ANGPTL1: variants seen among roughly 807,000 people sequenced by gnomAD.
The protein encoded by ANGPTL1 is angiopoietin-related protein 1.
Under a neutral mutation model 46.7 loss-of-function variants are expected in ANGPTL1, and 36 were observed. The ratio of observed to expected loss-of-function variants is 0.77; its 90% CI spans 0.59 to 1.02. The LOEUF (loss-of-function observed/expected upper bound fraction) is 1.02. ANGPTL1 is among the 50% of genes least tolerant of loss of function. ANGPTL1 has a pLI of 0.00. For missense variants in ANGPTL1, 571 were observed against 594.7 expected (o/e 0.96, Z 0.41); for synonymous variants, 221 against 204.3 (o/e 1.08, Z -0.69).
chr1:178,852,754 G>A lies in ANGPTL1; in HGVS notation c.1217C>T (p.Ala406Val), dbSNP rs763830126. 9.3e-6 allele frequency: 15 copies of A among 1,613,890 alleles called. No individual in the cohort carries two copies. The East Asian group carries it at 2.2e-4, about 24-fold the overall frequency. Residue 406 changes from alanine to valine, a missense_variant, in exon 5 of 6, where the codon GCA (alanine) becomes GTA (valine). Coordinates refer to ENST00000234816, the MANE Select transcript of ANGPTL1 (RefSeq NM_004673.4). ...RLRLGTYQGN[A>V]GDSMMWHNGK... ...ATTATGCCACATCATAGAATCCCCT[G>A]CATTTCCCTGGTAAGTTCCCAGGCG...
intron 3 of ANGPTL1, 50 bp downstream of exon 3, chr1:178,864,904 T>C (rs1658282715): frequency 1.6e-6 from 2 of 1,268,196 alleles, no homozygotes. Context: ...TCATAAGGCA[T>C]AAAAATATAA....
intron 3 of ANGPTL1, among the ~76,000 whole-genome samples, chr1:178,856,200 GAGAT>G (rs1408132029): frequency 0.029 from 1,177 of 40,842 alleles, 8 homozygotes; most frequent in African/African-American, 0.051. Context: ...CAGAGAGAGA[GAGAT>G]ATATATATAT....
At chr1:178,869,402 G>T (rs969954338) in intron 1 of ANGPTL1, 179 bp from the exon 2 acceptor site, 1 of 152,106 alleles carries the variant, frequency 6.6e-6, no homozygotes, top group African/African-American at 2.4e-5. Context: ...GTTCTGGGAA[G>T]AGACTTGAGA....
chr1:178,860,882 C>T (rs1572417157), intron 3 of ANGPTL1, among the ~76,000 whole-genome samples: 1 of 152,100 alleles, frequency 6.6e-6, no homozygotes, highest in South Asian at 2.1e-4. Flanking sequence ...GTGCAAGCAC[C>T]TAAACAGCCT....
In ANGPTL1 at chr1:178,865,780, G is replaced by A; in HGVS notation, c.-4C>T. The A allele has an allele frequency of 6.4e-7, 1 of 1,562,350 alleles. No individual in the cohort carries two copies. Among genetic ancestry groups the A allele is most frequent in the Non-Finnish European group, 8.6e-7 (1 of 1,159,178 alleles). ...GGGTCCAGGTAAAAGTCTTCATTTT[G>A]AAATGAGGTTGTAAAATGATGTCTT... On this transcript the variant is annotated 5_prime_UTR_variant, in exon 3 of 6. Coordinates refer to ENST00000234816, the MANE Select transcript of ANGPTL1 (RefSeq NM_004673.4).
At chr1:178,863,559 AAAG>A (rs1357709576) in intron 3 of ANGPTL1, among the ~76,000 whole-genome samples, 12 of 152,372 alleles carry the variant, frequency 7.9e-5, no homozygotes, top group African/African-American at 2.9e-4. Context: ...AGATAAGCTG[AAAG>A]AAGGTGTTTC....
intron 3 of ANGPTL1, among the ~76,000 whole-genome samples, chr1:178,859,695 C>CTTTTT (rs1190050936): frequency 2.8e-5 from 3 of 108,286 alleles, no homozygotes; most frequent in Non-Finnish European, 3.7e-5. Context: ...ACACGAAGCA[C>CTTTTT]TTTTTTTTTT....
chr1:178,865,161 G>A lies in ANGPTL1; in HGVS notation c.616C>T (p.Arg206Ter), dbSNP rs748411414. ...GGGGGAGACACATGGGTGTCTTGTC[G>A]GGAAAATATCCTCAAGCACTGTTCT... ...LEEQCLRIFS[R>*]QDTHVSPPLV... The change falls in exon 3 of 6, where the codon CGA becomes TGA. Residue 206 changes from arginine (R) to a stop codon, truncating the protein, a stop_gained. Coordinates refer to ENST00000234816, the MANE Select transcript of ANGPTL1 (RefSeq NM_004673.4). LOFTEE classifies it high-confidence loss of function. The A allele has an allele frequency of 5.6e-6, 9 of 1,607,168 alleles. No homozygotes were observed. Among genetic ancestry groups the A allele is most frequent in the African/African-American group, 1.3e-5 (1 of 74,770 alleles).
At chr1:178,852,085 C>G (rs1314491790) in intron 5 of ANGPTL1, among the ~76,000 whole-genome samples, 1 of 152,138 alleles carries the variant, frequency 6.6e-6, no homozygotes, top group African/African-American at 2.4e-5. Context: ...TTTTCCCCCT[C>G]AAAGAAATGC....
chr1:178,856,411 T>TGTTTTG (rs1415518537), intron 3 of ANGPTL1, among the ~76,000 whole-genome samples: 1 of 111,240 alleles, frequency 9.0e-6, no homozygotes, highest in African/African-American at 3.9e-5. Context: ...TTTTTTTTTT[T>TGTTTTG]TTTTTTTTTT....
chr1:178,862,835 T>C (rs192309849), intron 3 of ANGPTL1, among the ~76,000 whole-genome samples: 194 of 152,246 alleles, frequency 1.3e-3, no homozygotes, highest in Non-Finnish European at 2.3e-3. Context: ...ATTGGACTTT[T>C]TCTGTTTGCA....
intron 3 of ANGPTL1, among the ~76,000 whole-genome samples, chr1:178,857,926 TAG>T (rs1388710495): frequency 6.6e-6 from 1 of 152,122 alleles, no homozygotes; most frequent in Non-Finnish European, 1.5e-5. Flanking sequence ...TAAAGCAAAA[TAG>T]AGAGTTCTGG....
At chr1:178,854,480 C>T (rs752651374) in intron 3 of ANGPTL1, among the ~76,000 whole-genome samples, 12 of 152,146 alleles carry the variant, frequency 7.9e-5, no homozygotes, top group Admixed American at 7.9e-4. Flanking sequence ...TGCCCAAACT[C>T]ATAGAATCTT....
intron 3 of ANGPTL1, among the ~76,000 whole-genome samples, chr1:178,859,883 A>AT (rs1239995203): frequency 7.4e-6 from 1 of 134,636 alleles, no homozygotes; most frequent in Non-Finnish European, 1.6e-5. Context: ...CGCCTGGCTA[A>AT]TTTTTTTGTA....
chr1:178,865,409 C>G lies in ANGPTL1; in HGVS notation c.368G>C (p.Ser123Thr). Residue 123 changes from serine to threonine, a missense_variant, in exon 3 of 6, where the codon AGC (serine) becomes ACC (threonine). Physicochemically the swap from Ser to Thr is moderately conservative, Grantham distance 58 (BLOSUM62 1). Coordinates refer to ENST00000234816, the MANE Select transcript of ANGPTL1 (RefSeq NM_004673.4). ...AGTAACACGAGAGTTCATGTTACGG[C>G]TTTCCTTTCTCAGCAGCTTTACCTC... ...VNEVKLLRKE[S>T]RNMNSRVTQL... 6.2e-7 allele frequency: 1 copy of G among 1,613,986 alleles called. No individual in the cohort carries two copies. Among genetic ancestry groups the G allele is most frequent in the Non-Finnish European group, 8.5e-7 (1 of 1,179,990 alleles).
At chr1:178,852,648 T>G (rs544426338) in intron 5 of ANGPTL1, 35 bp downstream of exon 5, 1 of 1,584,936 alleles carries the variant, frequency 6.3e-7, no homozygotes, top group South Asian at 1.1e-5. Flanking sequence ...TAGAAGGTGA[T>G]GATTCTACAA....
rs1226679366 is a variant in ANGPTL1 at position 178,865,054 on chromosome 1, C to T, written c.723G>A (p.Arg241=). ...TTAAATCTCTGGGATAACCTGGATCCCTCTGAATCTCGTTACCTCCCAGCA... is the reference window on the plus strand; with the variant it reads ...TTAAATCTCTGGGATAACCTGGATCTCTCTGAATCTCGTTACCTCCCAGCA... The part of the protein sequence containing the change: ...PGLLGGNEIQ[R]DPGYPRDLMP... The change falls in exon 3 of 6, where the codon AGG becomes AGA. Residue 241 remains arginine, a synonymous_variant. Transcript: ENST00000234816. The T allele has an allele frequency of 1.3e-6, 2 of 1,508,892 alleles. No individual in the cohort carries two copies. Among genetic ancestry groups the T allele is most frequent in the Non-Finnish European group, 1.8e-6 (2 of 1,129,028 alleles). 93.5% of individuals were successfully genotyped at this position (1,508,892 alleles called of 1,614,324 possible).
In ANGPTL1 at chr1:178,865,629, C is replaced by T. The variant is rs1301896831; in HGVS notation, c.148G>A (p.Ala50Thr). Reference sequence around the variant, plus strand: ...TGTTCAGGTACCAGGAATGTGTATGCACATTTCTTTGCTTCCTCTTTACCA... The same window carrying T: ...TGTTCAGGTACCAGGAATGTGTATGTACATTTCTTTGCTTCCTCTTTACCA... The part of the protein sequence containing the change: ...TDGKEEAKKC[A>T]YTFLVPEQRI... The change falls in exon 3 of 6, where the codon GCA becomes ACA. Residue 50 changes from alanine (A) to threonine (T), a missense_variant. By Grantham distance (58) the Ala-to-Thr change is moderately conservative. Transcript: ENST00000234816. The T allele has an allele frequency of 1.2e-6, 2 of 1,613,978 alleles. No homozygotes were observed. Among genetic ancestry groups the T allele is most frequent in the South Asian group, 1.1e-5 (1 of 91,078 alleles).
intron 3 of ANGPTL1, among the ~76,000 whole-genome samples, chr1:178,855,926 C>T (rs900210218): frequency 6.7e-6 from 1 of 148,924 alleles, no homozygotes; most frequent in Admixed American, 6.7e-5. Flanking sequence ...ACACGAATTA[C>T]ATTGAATATA....
Sources: gnomAD v4.1 joint callset for allele counts (sites outside exome capture counted in the v4.1 genomes callset) on GRCh38, gnomAD v4.1.1 for gene constraint, MANE v1.5 for transcripts, NCBI Gene and HGNC (gene_info 2026-07-23, HGNC 2026-07-21) for gene names.